Variants in IL1RAPL1 observed in about 807,000 individuals in gnomAD.
IL1RAPL1 encodes the protein interleukin-1 receptor accessory protein-like 1.
In IL1RAPL1, 3 loss-of-function variants were observed where a neutral mutation model predicts 48.4. That is an observed-to-expected ratio of 0.06 (90% CI 0.03 to 0.16). The LOEUF (loss-of-function observed/expected upper bound fraction) is 0.16, where lower values mean the gene tolerates loss of function less well. Among genes scored for constraint, IL1RAPL1 ranks in the 10% least tolerant of loss-of-function variants. The probability of loss-of-function intolerance (pLI) is 1.00; values close to 1 mark genes in which losing one functional copy is unlikely to be tolerated. For synonymous variants in IL1RAPL1, 185 were observed against 187.7 expected, an observed-to-expected ratio of 0.99 and a Z score of 0.12; for missense variants, 349 against 530.6, an observed-to-expected ratio of 0.66 and a Z score of 3.36.
intron 2 of IL1RAPL1, among the ~76,000 whole-genome samples, chrX:29,184,040 G>A (rs1477726170): frequency 1.8e-5 from 2 of 111,899 alleles, no homozygotes; most frequent in African/African-American, 6.5e-5. Flanking sequence ...TTTTTAGGAC[G>A]TTTGCTCAAA....
intron 5 of IL1RAPL1, among the ~76,000 whole-genome samples, chrX:29,571,082 C>T (rs781095156): frequency 9.0e-6 from 1 of 110,733 alleles, no homozygotes; most frequent in African/African-American, 3.3e-5. Flanking sequence ...ATTAGCCAGA[C>T]GTGGTGGCGG....
At chrX:29,746,614 T>G (rs5927167) in intron 6 of IL1RAPL1, among the ~76,000 whole-genome samples, 41,209 of 110,274 alleles carry the variant, frequency 0.37, 5,479 homozygotes, top group Admixed American at 0.48. Context: ...TCATTCTTTT[T>G]TTTTTTTCTT....
intron 3 of IL1RAPL1, among the ~76,000 whole-genome samples, chrX:29,296,924 C>T (rs2147608623): frequency 8.9e-6 from 1 of 111,944 alleles, no homozygotes; most frequent in African/African-American, 3.2e-5. Context: ...TTTACAGTGA[C>T]ATTTCTGACT....
chrX:28,772,791 A>G (rs1245028980), intron 1 of IL1RAPL1, among the ~76,000 whole-genome samples: 3 of 111,793 alleles, frequency 2.7e-5, no homozygotes, highest in Non-Finnish European at 5.6e-5. Flanking sequence ...ACATACATGA[A>G]CAATTTATTG....
At chrX:29,204,239 G>A (rs1201800883) in intron 2 of IL1RAPL1, among the ~76,000 whole-genome samples, 1 of 111,953 alleles carries the variant, frequency 8.9e-6, no homozygotes, top group Admixed American at 9.5e-5. Context: ...ATTCTCAGCA[G>A]TGGAATTGCT....
chrX:28,644,713 G>A (rs1354137990), intron 1 of IL1RAPL1, among the ~76,000 whole-genome samples: 1 of 111,606 alleles, frequency 9.0e-6, no homozygotes, highest in African/African-American at 3.3e-5. Flanking sequence ...AAATTCCAAA[G>A]GAGATCATCA....
rs1308148364 is a variant in IL1RAPL1, at chrX:29,909,653, A to G, written c.779-7811A>G. On this transcript the variant is annotated intron_variant, in intron 6 of 10. Transcript: ENST00000378993. ...AAAGAAATCAGTGATGACACAAACA[A>G]ATGGAAAAACATTCCACACTCATAG... is the stretch of plus-strand genomic sequence containing the variant. Among the ~76,000 whole-genome samples, 3 of 112,044 alleles carry G rather than the reference A, an allele frequency of 2.7e-5. No individual in the cohort carries two copies. In the Admixed American group the frequency reaches 2.8e-4, roughly 11 times the overall value.
chrX:29,897,178 T>G (rs1377860386), intron 6 of IL1RAPL1, among the ~76,000 whole-genome samples: 1 of 112,616 alleles, frequency 8.9e-6, no homozygotes, highest in East Asian at 2.8e-4. Context: ...TCAGCTTGTT[T>G]ATCCTCTCAG....
intron 5 of IL1RAPL1, among the ~76,000 whole-genome samples, chrX:29,537,324 G>A (rs1048749705): frequency 3.6e-5 from 4 of 110,812 alleles, no homozygotes; most frequent in African/African-American, 1.3e-4. Context: ...GTGAAGAGAA[G>A]CTTCACAATT....
intron 6 of IL1RAPL1, among the ~76,000 whole-genome samples, chrX:29,687,568 A>T (rs1926658335): frequency 1.8e-5 from 2 of 111,784 alleles, no homozygotes; most frequent in Admixed American, 1.9e-4. Flanking sequence ...AGATTGAAGG[A>T]ATAAGTTCTG....
At chrX:28,728,102 A>G (rs867455252) in intron 1 of IL1RAPL1, among the ~76,000 whole-genome samples, 1 of 111,532 alleles carries the variant, frequency 9.0e-6, no homozygotes, top group Admixed American at 9.6e-5. Flanking sequence ...AAATAAAAAT[A>G]ATTTTCATTA....
intron 2 of IL1RAPL1, among the ~76,000 whole-genome samples, chrX:29,109,599 A>G (rs1928520317): frequency 9.0e-6 from 1 of 111,312 alleles, no homozygotes; most frequent in Non-Finnish European, 1.9e-5. Flanking sequence ...CTGTGGGTAG[A>G]GGACAGAGCA....
intron 5 of IL1RAPL1, among the ~76,000 whole-genome samples, chrX:29,474,514 T>A (rs1934953441): frequency 8.9e-6 from 1 of 111,943 alleles, no homozygotes; most frequent in South Asian, 3.7e-4. Flanking sequence ...GGCTGGGTAA[T>A]TTATAAACAA....
intron 2 of IL1RAPL1, among the ~76,000 whole-genome samples, chrX:29,177,212 C>G (rs985540502): frequency 8.1e-5 from 9 of 111,705 alleles, no homozygotes; most frequent in African/African-American, 2.3e-4. Context: ...GATGATGGAG[C>G]AGGGGGGATG....
chrX:28,669,634 ATATATATATAACT>A (rs1934924566), intron 1 of IL1RAPL1, among the ~76,000 whole-genome samples: 3 of 103,717 alleles, frequency 2.9e-5, no homozygotes, highest in South Asian at 7.9e-4. Context: ...AATATTATAT[ATATATATATAACT>A]TATATATATA....
chrX:29,688,592 G>A (rs982788409), intron 6 of IL1RAPL1, among the ~76,000 whole-genome samples: 8 of 111,313 alleles, frequency 7.2e-5, no homozygotes, highest in East Asian at 5.6e-4. Flanking sequence ...GGGGTGAGGC[G>A]GGCACGATTG....
intron 2 of IL1RAPL1, among the ~76,000 whole-genome samples, chrX:29,181,893 T>C (rs1292459428): frequency 3.6e-5 from 4 of 112,040 alleles, no homozygotes; most frequent in Middle Eastern, 4.3e-3. Flanking sequence ...CTCTAAGTCA[T>C]TGAAATATTG....
chrX:29,342,112 T>TTTTG (rs1342417877), intron 3 of IL1RAPL1, among the ~76,000 whole-genome samples: 13 of 87,686 alleles, frequency 1.5e-4, no homozygotes, highest in African/African-American at 5.1e-4. Context: ...CGGCCTTGTT[T>TTTTG]TGTGTGTGTG....
chrX:28,999,954 T>C (rs1380908994), intron 2 of IL1RAPL1, among the ~76,000 whole-genome samples: 2 of 111,394 alleles, frequency 1.8e-5, no homozygotes. Flanking sequence ...CCCACAGCAT[T>C]CCCCGGCTCC....
Sources: allele counts gnomAD v4.1 joint callset (sites outside exome capture counted in the v4.1 genomes callset), GRCh38; gene constraint gnomAD v4.1.1; transcripts MANE v1.5; gene names NCBI Gene and HGNC (gene_info 2026-07-23, HGNC 2026-07-21).